The following IL1RAPL1 variants were observed in gnomAD, a reference collection of about 807,000 sequenced individuals.
The protein encoded by IL1RAPL1 is interleukin-1 receptor accessory protein-like 1.
A neutral mutation model predicts 48.4 loss-of-function variants in IL1RAPL1; 3 were observed. The ratio of observed to expected loss-of-function variants is 0.06; its 90% CI spans 0.03 to 0.16. The LOEUF is 0.16. IL1RAPL1 is among the 10% of genes least tolerant of loss of function. The probability of loss-of-function intolerance (pLI) is 1.00; values close to 1 mark genes in which losing one functional copy is unlikely to be tolerated. For missense variants in IL1RAPL1, 349 were observed against 530.6 expected, an observed-to-expected ratio of 0.66 and a Z score of 3.36; for synonymous variants, 185 against 187.7, an observed-to-expected ratio of 0.99 and a Z score of 0.12.
At chrX:29,740,783 T>C (rs1928176895) in intron 6 of IL1RAPL1, among the ~76,000 whole-genome samples, 1 of 111,957 alleles carries the variant, frequency 8.9e-6, no homozygotes, top group East Asian at 2.8e-4. Flanking sequence ...CTAAATTAAA[T>C]TGATGTATAA....
intron 5 of IL1RAPL1, among the ~76,000 whole-genome samples, chrX:29,564,887 T>G (rs1330645091): frequency 8.9e-6 from 1 of 112,531 alleles, no homozygotes; most frequent in Non-Finnish European, 1.9e-5. Context: ...AATCAAGGTA[T>G]CCACAGGAGG....
intron 5 of IL1RAPL1, among the ~76,000 whole-genome samples, chrX:29,529,599 CAAAAAAA>C (rs59465203): frequency 1.3e-5 from 1 of 77,547 alleles, no homozygotes. Flanking sequence ...GCCTCTGTCT[CAAAAAAA>C]AAAAAAAAAC....
intron 1 of IL1RAPL1, among the ~76,000 whole-genome samples, chrX:28,604,318 C>A (rs923848744): frequency 8.9e-6 from 1 of 111,890 alleles, no homozygotes; most frequent in African/African-American, 3.2e-5. Context: ...CCAATTTTGG[C>A]TTTGACATTT....
intron 2 of IL1RAPL1, among the ~76,000 whole-genome samples, chrX:29,248,987 T>G (rs928648004): frequency 1.8e-5 from 2 of 111,492 alleles, no homozygotes; most frequent in Non-Finnish European, 3.8e-5. Context: ...CTATATCTAT[T>G]AGTATGGAAA....
chrX:29,615,798 T>C (rs1041754874), intron 5 of IL1RAPL1, among the ~76,000 whole-genome samples: 2 of 112,339 alleles, frequency 1.8e-5, no homozygotes, highest in African/African-American at 6.5e-5. Flanking sequence ...AAAAATAATA[T>C]GTATCTATTT....
At chrX:29,331,172 A>C (rs1932882572) in intron 3 of IL1RAPL1, among the ~76,000 whole-genome samples, 1 of 111,747 alleles carries the variant, frequency 8.9e-6, no homozygotes, top group Non-Finnish European at 1.9e-5. Flanking sequence ...CCGTCTAAAA[A>C]ATAAAAAAAT....
chrX:29,332,286 G>A (rs1367578693), intron 3 of IL1RAPL1, among the ~76,000 whole-genome samples: 1 of 82,341 alleles, frequency 1.2e-5, no homozygotes, highest in Non-Finnish European at 2.3e-5. Flanking sequence ...TCTCACACAT[G>A]TCCTTCTTGA....
At chrX:28,916,429 A>G (rs1923491418) in intron 2 of IL1RAPL1, among the ~76,000 whole-genome samples, 1 of 112,119 alleles carries the variant, frequency 8.9e-6, no homozygotes, top group South Asian at 3.7e-4. Context: ...GGTTTAACAT[A>G]TTCAAGAACT....
intron 2 of IL1RAPL1, among the ~76,000 whole-genome samples, chrX:29,270,690 T>G (rs1166918772): frequency 8.9e-6 from 1 of 112,203 alleles, no homozygotes; most frequent in Non-Finnish European, 1.9e-5. Flanking sequence ...ATGGTAACTG[T>G]GATAAATCTT....
chrX:29,561,351 G>A (rs192826650), intron 5 of IL1RAPL1, among the ~76,000 whole-genome samples: 14 of 112,209 alleles, frequency 1.2e-4, no homozygotes, highest in African/African-American at 4.5e-4. Flanking sequence ...AGTTAAATGG[G>A]TCCACAAGTG....
chrX:29,058,244 GCA>G (rs1379445518), intron 2 of IL1RAPL1, among the ~76,000 whole-genome samples: 2 of 110,461 alleles, frequency 1.8e-5, no homozygotes, highest in Non-Finnish European at 3.8e-5. Context: ...GGGCGTGGTG[GCA>G]CACACCTGTA....
intron 5 of IL1RAPL1, among the ~76,000 whole-genome samples, chrX:29,407,971 C>A (rs951562576): frequency 3.6e-5 from 4 of 111,906 alleles, no homozygotes; most frequent in African/African-American, 1.3e-4. Context: ...TGAAAACATT[C>A]AACTTTGTAT....
At chrX:29,342,177 T>C (rs12393281) in intron 3 of IL1RAPL1, among the ~76,000 whole-genome samples, 5,283 of 108,895 alleles carry the variant, frequency 0.049, 361 homozygotes, top group African/African-American at 0.17. Flanking sequence ...TGTTTGTTTG[T>C]TTTTGTAATT....
intron 5 of IL1RAPL1, among the ~76,000 whole-genome samples, chrX:29,416,537 A>AAAACAAAC (rs891493783): frequency 9.0e-6 from 1 of 111,144 alleles, no homozygotes; most frequent in Admixed American, 9.6e-5. Flanking sequence ...ACTCCGTCTC[A>AAAACAAAC]AAACAAACAA....
intron 2 of IL1RAPL1, among the ~76,000 whole-genome samples, chrX:29,089,151 G>A (rs1450229974): frequency 3.6e-5 from 4 of 111,484 alleles, no homozygotes; most frequent in Non-Finnish European, 5.6e-5. Context: ...AAAGAGGGGA[G>A]TAGTAAAGAG....
chrX:29,402,241 C>T (rs1934003567), intron 5 of IL1RAPL1, among the ~76,000 whole-genome samples: 1 of 111,630 alleles, frequency 9.0e-6, no homozygotes, highest in African/African-American at 3.3e-5. Context: ...CCTCTGAACT[C>T]TTATTCATGG....
chrX:29,952,344 A>G (rs1056624308), intron 9 of IL1RAPL1, among the ~76,000 whole-genome samples: 3 of 111,603 alleles, frequency 2.7e-5, no homozygotes, highest in Admixed American at 1.9e-4. Flanking sequence ...AAATAATACT[A>G]CAATCCACAA....
At chrX:29,235,808 G>A (rs780521875) in intron 2 of IL1RAPL1, among the ~76,000 whole-genome samples, 2 of 112,211 alleles carry the variant, frequency 1.8e-5, no homozygotes, top group African/African-American at 6.5e-5. Flanking sequence ...GGAAGTACAT[G>A]TGCTAGGCAG....
chrX:29,406,671 T>C (rs192184705), intron 5 of IL1RAPL1, among the ~76,000 whole-genome samples: 1 of 112,375 alleles, frequency 8.9e-6, no homozygotes, highest in African/African-American at 3.2e-5. Context: ...CTACATTATA[T>C]TGCTGATTTG....
Sources: gnomAD v4.1 joint callset for allele counts (sites outside exome capture counted in the v4.1 genomes callset) on GRCh38, gnomAD v4.1.1 for gene constraint, MANE v1.5 for transcripts, NCBI Gene and HGNC (gene_info 2026-07-23, HGNC 2026-07-21) for gene names.